Variants in CYP4F12 observed in about 807,000 individuals in gnomAD.
CYP4F12 encodes cytochrome P450 family 4 subfamily F member 12.
A neutral mutation model predicts 56.5 loss-of-function variants in CYP4F12; 60 were observed. The ratio of observed to expected loss-of-function variants is 1.06; its 90% CI spans 0.86 to 1.32. CYP4F12 has a LOEUF of 1.32. CYP4F12 is among the 40% of genes most tolerant of loss of function. The pLI, the probability that CYP4F12 is intolerant of heterozygous loss-of-function variation, is 0.00. For synonymous variants in CYP4F12, 263 were observed against 264.9 expected (o/e 0.99, Z 0.07); for missense variants, 711 against 683.5 (o/e 1.04, Z -0.45).
intron 1 of CYP4F12, 146 bp from the exon 2 acceptor site, chr19:15,673,383 T>G: frequency 1.1e-6 from 1 of 885,310 alleles, no homozygotes; most frequent in Non-Finnish European, 1.7e-6. Context: ...TGGGACTTTC[T>G]GGACTTCAGA....
At chr19:15,689,143 A>AATAATAATAATAATAATAATAATC (rs146012868) in intron 9 of CYP4F12, among the ~76,000 whole-genome samples, 46 of 150,766 alleles carry the variant, frequency 3.1e-4, no homozygotes, top group African/African-American at 1.1e-3. Context: ...TAATAATAAT[A>AATAATAATAATAATAATAATAATC]ATAGCCGACT....
Position 15,684,846 on chromosome 19 carries a change from G to A in CYP4F12, c.949G>A (p.Asp317Asn), listed in dbSNP as rs750936191. The change falls in exon 8 of 13, where the codon GAT (aspartate) becomes AAT (asparagine). Residue 317 changes from aspartate (D) to asparagine (N), a missense_variant. Asp to Asn is a conservative substitution (Grantham distance 23). Transcript: ENST00000550308. The part of the protein sequence containing the change: ...DEDGKALSDE[D>N]IRAEADTFMF... The stretch of plus-strand genomic sequence containing the variant: ...AGATGGGAAGGCATTGTCAGATGAG[G>A]ATATAAGAGCAGAGGCTGACACCTT... 6.2e-7 allele frequency: 1 copy of A among 1,609,326 alleles called. No individual in the cohort carries two copies. Among genetic ancestry groups the A allele is most frequent in the Admixed American group, 1.7e-5 (1 of 59,772 alleles).
Position 15,674,800 on chromosome 19 carries a change from C to T in CYP4F12, c.198+1073C>T, listed in dbSNP as rs75078700. Reference sequence around the variant, plus strand: ...CTCCCTGTCCTCCCACCTCAGCCTGCTTGGATCCTTTTCCTGCCTGTCTTC... The same window carrying T: ...CTCCCTGTCCTCCCACCTCAGCCTGTTTGGATCCTTTTCCTGCCTGTCTTC... On this transcript the variant is annotated intron_variant, in intron 2 of 12. Transcript: ENST00000550308. 3.1e-3 allele frequency among the ~76,000 whole-genome samples: 438 copies of T among 141,306 alleles called. 6 individuals carry two copies. The highest frequency in any genetic ancestry group is 0.022 in the Admixed American group (294 of 13,354). 92.7% of individuals were successfully genotyped at this position (141,306 alleles called of 152,430 possible). A position where few individuals can be genotyped will look rare whatever the true frequency, so the allele number is the denominator to read the frequency against.
At chr19:15,696,869 G>C in intron 12 of CYP4F12, 39 bp from the exon 13 acceptor site, 1 of 1,578,660 alleles carries the variant, frequency 6.3e-7, no homozygotes, top group South Asian at 1.2e-5. Flanking sequence ...CCCAAATGCG[G>C]GTCTTGGGCA....
In CYP4F12 at chr19:15,680,146, G is replaced by A. The variant is rs562589402; in HGVS notation, c.344-98G>A. ...CTTGGCCCCCTTCCTGCTATGCTGG[G>A]CATGGAGTGGGGAAAGTGCTGGTAG... is the stretch of plus-strand genomic sequence containing the variant. On this transcript the variant is annotated intron_variant, in intron 3 of 12. Transcript: ENST00000550308. 27 of 1,468,840 alleles carry A rather than the reference G, an allele frequency of 1.8e-5. No individual in the cohort carries two copies. The South Asian group carries it at 2.7e-4, about 15-fold the overall frequency. The allele number at this position is 1,468,840 out of a possible 1,614,324, so 91.0% of individuals were successfully genotyped here. A position where few individuals can be genotyped will look rare whatever the true frequency, so the allele number is the denominator to read the frequency against.
Position 15,673,321 on chromosome 19 carries a change from C to G in CYP4F12, c.-2+186C>G, listed in dbSNP as rs77968824. The G allele has an allele frequency of 3.5e-3, 2,119 of 599,252 alleles. 32 individuals carry two copies. In the African/African-American group the frequency reaches 0.037, roughly 10 times the overall value. The allele number at this position is 599,252 out of a possible 1,614,324, so 37.1% of individuals were successfully genotyped here. A position where few individuals can be genotyped will look rare whatever the true frequency, so the allele number is the denominator to read the frequency against. On this transcript the variant is annotated intron_variant, in intron 1 of 12. Coordinates refer to ENST00000550308, the MANE Select transcript of CYP4F12 (RefSeq NM_023944.4). Reference sequence around the variant, plus strand: ...GACTCTAATCGGCCCATCTCTTTCCCTTTCTGTGTGGTTACCAGGTTACTG... The same window carrying G: ...GACTCTAATCGGCCCATCTCTTTCCGTTTCTGTGTGGTTACCAGGTTACTG...
intron 2 of CYP4F12, among the ~76,000 whole-genome samples, chr19:15,674,896 T>G (rs1436284475): frequency 1.3e-5 from 2 of 152,210 alleles, no homozygotes; most frequent in Non-Finnish European, 2.9e-5. Flanking sequence ...CTCCTGGCAT[T>G]CCCACCTTCT....
At chr19:15,675,581 G>C (rs1418080668) in intron 2 of CYP4F12, among the ~76,000 whole-genome samples, 1 of 152,240 alleles carries the variant, frequency 6.6e-6, no homozygotes, top group African/African-American at 2.4e-5. Context: ...GCAATCCCCA[G>C]ATTGAAATCA....
intron 9 of CYP4F12, among the ~76,000 whole-genome samples, chr19:15,691,317 G>A (rs142354726): frequency 1.3e-5 from 2 of 152,312 alleles, no homozygotes; most frequent in South Asian, 2.1e-4. Context: ...TGTGTACAGT[G>A]AGCATTGCTC....
chr19:15,686,385 G>T (rs1440350977), intron 9 of CYP4F12, among the ~76,000 whole-genome samples: 1 of 152,152 alleles, frequency 6.6e-6, no homozygotes, highest in African/African-American at 2.4e-5. Flanking sequence ...CAAAAAGAAA[G>T]TCTGGGCAAA....
intron 7 of CYP4F12, 80 bp downstream of exon 7, chr19:15,683,843 T>G: frequency 1.4e-6 from 2 of 1,475,946 alleles, no homozygotes; most frequent in Non-Finnish European, 9.0e-7. Flanking sequence ...TTGGTTTTGA[T>G]CCAAAGGGCA....
intron 9 of CYP4F12, among the ~76,000 whole-genome samples, chr19:15,690,665 T>C (rs1444928222): frequency 6.6e-6 from 1 of 152,228 alleles, no homozygotes; most frequent in Non-Finnish European, 1.5e-5. Context: ...TTTCTTCTGT[T>C]TTAAGGCTGA....
At chr19:15,684,677 A>G in intron 7 of CYP4F12, 139 bp from the exon 8 acceptor site, 1 of 792,108 alleles carries the variant, frequency 1.3e-6, no homozygotes, top group South Asian at 1.7e-5. Context: ...AGACGTGCAG[A>G]GTGCATTTGA....
chr19:15,675,319 C>T (rs1234233762), intron 2 of CYP4F12, among the ~76,000 whole-genome samples: 4 of 151,092 alleles, frequency 2.6e-5, no homozygotes, highest in South Asian at 4.2e-4. Context: ...GAGGCACTAG[C>T]ACAGAACCTG....
Position 15,696,973 on chromosome 19 carries a change from A to G in CYP4F12, c.1463A>G (p.His488Arg), listed in dbSNP as rs372424640. Residue 488 changes from histidine (H) to arginine (R), a missense_variant, in exon 13 of 13, where the codon CAC becomes CGC. By Grantham distance (29) the His-to-Arg change is conservative. Transcript: ENST00000550308. ...MKVVLALMLL[H>R]FRFLPDHTEP... The stretch of plus-strand genomic sequence containing the variant: ...GTGGTCCTGGCGTTGATGCTGCTGC[A>G]CTTCCGGTTCCTGCCAGACCACACT... 1.1e-5 allele frequency: 17 copies of G among 1,614,084 alleles called. No individual in the cohort carries two copies. The African/African-American group carries it at 1.9e-4, about 18-fold the overall frequency.
intron 7 of CYP4F12, chr19:15,684,518 T>C (rs983454586): frequency 3.8e-5 from 13 of 342,472 alleles, no homozygotes; most frequent in Non-Finnish European, 5.8e-5. Context: ...AGGTTGCCAG[T>C]ATCTTTTTCT....
At position 15,678,308 on chromosome 19, in the gene CYP4F12, C is replaced by A. The variant is rs1213091845; in HGVS notation, c.246C>A (p.Ala82=). ...TGAAGAACTCGACCCAGATGTCGGC[C>A]ACCTATTCCCAGGGCTTTACGGTAT... ...EGLKNSTQMS[A]TYSQGFTVWL... The change falls in exon 3 of 13, where the codon GCC becomes GCA. Residue 82 remains alanine (A), a synonymous_variant. Coordinates refer to ENST00000550308, the MANE Select transcript of CYP4F12 (RefSeq NM_023944.4). 2 of 1,614,072 alleles carry A rather than the reference C, an allele frequency of 1.2e-6. No homozygotes were observed. Among genetic ancestry groups the A allele is most frequent in the Admixed American group, 1.7e-5 (1 of 60,000 alleles).
At chr19:15,693,881 G>T (rs2007995051) in intron 9 of CYP4F12, among the ~76,000 whole-genome samples, 1 of 136,646 alleles carries the variant, frequency 7.3e-6, no homozygotes, top group Non-Finnish European at 1.6e-5. Context: ...TGTAAGGAAG[G>T]GATCTAGTTT....
chr19:15,681,678 T>C (rs1306870004), intron 5 of CYP4F12: 4 of 152,220 alleles, frequency 2.6e-5, no homozygotes, highest in African/African-American at 9.7e-5. Context: ...TTGCCTTATC[T>C]CTCCAGGTGG....
Sources: allele counts gnomAD v4.1 joint callset (sites outside exome capture counted in the v4.1 genomes callset), GRCh38; gene constraint gnomAD v4.1.1; transcripts MANE v1.5; gene names NCBI Gene and HGNC (gene_info 2026-07-23, HGNC 2026-07-21).